ARID4B: variants seen among roughly 807,000 people sequenced by gnomAD.
ARID4B encodes AT-rich interaction domain 4B.
ARID4B carries 26 observed loss-of-function variants against 147.5 expected under a neutral mutation model. The observed-to-expected ratio is 0.18, with a 90% CI of 0.13 to 0.24. The LOEUF (loss-of-function observed/expected upper bound fraction) is 0.24, where lower values mean the gene tolerates loss of function less well. Ranked by LOEUF, ARID4B falls within the 10% of genes least tolerant of loss-of-function variation. The probability of loss-of-function intolerance (pLI) is 1.00; values close to 1 mark genes in which losing one functional copy is unlikely to be tolerated. For synonymous variants in ARID4B, 512 were observed against 507.9 expected (o/e 1.01, Z -0.11); for missense variants, 1,179 against 1,511.5 (o/e 0.78, Z 3.65).
chr1:235,238,555 C>T (rs931132824), intron 8 of ARID4B, among the ~76,000 whole-genome samples: 3 of 152,088 alleles, frequency 2.0e-5, no homozygotes, highest in African/African-American at 7.2e-5. Context: ...GAGGGGAGGA[C>T]ATATTTGTAA....
In ARID4B at chr1:235,205,526, G is replaced by A. The variant is rs79919813; in HGVS notation, c.1841+8243C>T. Among the ~76,000 whole-genome samples, 137 of 152,118 alleles carry A rather than the reference G, an allele frequency of 9.0e-4. 3 individuals carry two copies. The East Asian group carries it at 0.025, about 28-fold the overall frequency. ...AGCTAAAACTATAAAGTTCTTAGAA[G>A]AAAACATAAAGGAAAATTTTCAGAA... On this transcript the variant is annotated intron_variant, in intron 17 of 23. Transcript: ENST00000264183.
At chr1:235,255,100 G>C (rs1669866440) in intron 5 of ARID4B, among the ~76,000 whole-genome samples, 1 of 151,738 alleles carries the variant, frequency 6.6e-6, no homozygotes, top group African/African-American at 2.4e-5. Flanking sequence ...AGGTAAAAAA[G>C]ACATTCAATC....
intron 2 of ARID4B, among the ~76,000 whole-genome samples, chr1:235,303,707 G>A (rs1673348828): frequency 1.3e-5 from 2 of 152,122 alleles, no homozygotes; most frequent in Non-Finnish European, 1.5e-5. Context: ...GCAGCCTGCA[G>A]AACACAGCGA....
In ARID4B at chr1:235,246,520, A is replaced by G; in HGVS notation, c.355-9T>C. The G allele has an allele frequency of 1.2e-6, 2 of 1,605,042 alleles. No homozygotes were observed. Among genetic ancestry groups the G allele is most frequent in the Non-Finnish European group, 1.7e-6 (2 of 1,171,910 alleles). ...GGGAGCTGGTCTAATGTCTGTGGGT[A>G]AGAACATAAACCCATCAAAAAATTA... On this transcript the variant is annotated splice_polypyrimidine_tract_variant and intron_variant, in intron 6 of 23. Coordinates refer to ENST00000264183, the MANE Select transcript of ARID4B (RefSeq NM_016374.6).
intron 2 of ARID4B, among the ~76,000 whole-genome samples, chr1:235,262,734 C>T (rs2103121097): frequency 6.6e-6 from 1 of 152,112 alleles, no homozygotes; most frequent in East Asian, 1.9e-4. Flanking sequence ...ATTTGGGAGG[C>T]CGAAGCAGGA....
At chr1:235,290,507 A>AGATGTAT (rs1225846551) in intron 2 of ARID4B, among the ~76,000 whole-genome samples, 1 of 152,176 alleles carries the variant, frequency 6.6e-6, no homozygotes, top group Non-Finnish European at 1.5e-5. Context: ...ATACTCTTAC[A>AGATGTAT]GATGTATGAA....
intron 17 of ARID4B, among the ~76,000 whole-genome samples, chr1:235,201,072 G>T (rs999119348): frequency 1.3e-5 from 2 of 152,128 alleles, no homozygotes; most frequent in Non-Finnish European, 1.5e-5. Flanking sequence ...TTGAACCCAG[G>T]AGGCAGAGGT....
At position 235,196,078 on chromosome 1, in the gene ARID4B, G is replaced by T. The variant is rs1441267849; in HGVS notation, c.1879C>A (p.Pro627Thr). The change falls in exon 18 of 24, where the codon CCT becomes ACT. Residue 627 changes from proline (P) to threonine (T), a missense_variant. Physicochemically the swap from Pro to Thr is conservative, Grantham distance 38. Coordinates refer to ENST00000264183, the MANE Select transcript of ARID4B (RefSeq NM_016374.6). Reference protein sequence around the residue: ...EWIKADKIVRPADKNVPKIKH... With the variant: ...EWIKADKIVRTADKNVPKIKH... The stretch of plus-strand genomic sequence containing the variant: ...ATCTTTGGCACATTTTTATCAGCAG[G>T]TCTTACTATTTTATCTGCTTTAATC... The T allele has an allele frequency of 3.8e-6, 6 of 1,598,914 alleles. No homozygotes were observed. The East Asian group carries it at 6.7e-5, about 18-fold the overall frequency.
At position 235,182,017 on chromosome 1, in the gene ARID4B, ACTC is replaced by A; in HGVS notation, c.2899_2901del (p.Glu967del). The stretch of plus-strand genomic sequence containing the variant: ...TCCTCTTCAGCCACAGTCTGCAGTG[ACTC>A]CTCTGCCACCCCCTCCTCTGGGGCA... On this transcript the variant is annotated inframe_deletion, in exon 20 of 24. Transcript: ENST00000264183. 1 of 1,613,762 alleles carries A rather than the reference ACTC, an allele frequency of 6.2e-7. No homozygotes were observed. The highest frequency in any genetic ancestry group is 1.1e-5 in the South Asian group (1 of 91,050).
intron 22 of ARID4B, among the ~76,000 whole-genome samples, chr1:235,173,597 TAAA>T: frequency 6.7e-6 from 1 of 149,486 alleles, no homozygotes; most frequent in African/African-American, 2.5e-5. Context: ...AGAGTAGTAT[TAAA>T]AAAATATACA....
intron 2 of ARID4B, among the ~76,000 whole-genome samples, chr1:235,308,225 AGTAGCTGG>A (rs2103266783): frequency 6.6e-6 from 1 of 151,224 alleles, no homozygotes; most frequent in East Asian, 2.0e-4. Context: ...TCAGCGCCTG[AGTAGCTGG>A]GACCAGAAGC....
At chr1:235,308,523 G>A (rs1371674967) in intron 2 of ARID4B, among the ~76,000 whole-genome samples, 5 of 139,174 alleles carry the variant, frequency 3.6e-5, no homozygotes, top group South Asian at 2.5e-4. Context: ...CTCTGATGCC[G>A]AGCCGAAGCT....
chr1:235,317,637 C>G (rs1199278308), intron 2 of ARID4B, among the ~76,000 whole-genome samples: 1 of 152,080 alleles, frequency 6.6e-6, no homozygotes, highest in Non-Finnish European at 1.5e-5. Flanking sequence ...TTCCCCAAAT[C>G]TGAATGCTGT....
chr1:235,234,540 T>C (rs1214849550), intron 8 of ARID4B, 48 bp from the exon 9 acceptor site: 3 of 1,283,588 alleles, frequency 2.3e-6, no homozygotes, highest in African/African-American at 3.0e-5. Context: ...AACTCATAGA[T>C]AGGTAAGTAC....
chr1:235,246,599 C>T, intron 6 of ARID4B, 88 bp from the exon 7 acceptor site: 1 of 916,530 alleles, frequency 1.1e-6, no homozygotes, highest in Non-Finnish European at 1.7e-6. Flanking sequence ...AGAATATGCT[C>T]AGATTTTGAG....
At chr1:235,303,910 C>T (rs1286166636) in intron 2 of ARID4B, among the ~76,000 whole-genome samples, 1 of 142,120 alleles carries the variant, frequency 7.0e-6, no homozygotes, top group African/African-American at 2.7e-5. Context: ...TGGTTCATCC[C>T]TAACTCTACA....
At chr1:235,233,284 C>CA in intron 9 of ARID4B, among the ~76,000 whole-genome samples, 1 of 151,768 alleles carries the variant, frequency 6.6e-6, no homozygotes, top group Middle Eastern at 3.4e-3. Context: ...CTTATCACTA[C>CA]AAAAAATACA....
intron 17 of ARID4B, among the ~76,000 whole-genome samples, chr1:235,211,880 T>C (rs1427732583): frequency 6.6e-6 from 1 of 152,218 alleles, no homozygotes; most frequent in East Asian, 1.9e-4. Context: ...AAATATTCTT[T>C]TGGTAGCTAT....
chr1:235,195,522 G>A lies in ARID4B; in HGVS notation c.1926+509C>T, dbSNP rs188283382. Among the ~76,000 whole-genome samples the A allele has an allele frequency of 7.2e-5, 11 of 151,902 alleles. No homozygotes were observed. In the East Asian group the frequency reaches 1.9e-3, roughly 27 times the overall value. On this transcript the variant is annotated intron_variant, in intron 18 of 23. Coordinates refer to ENST00000264183, the MANE Select transcript of ARID4B (RefSeq NM_016374.6). ...GCATGAGAATCGCTTGAACTGGGAG[G>A]TGGAGGTTGCAGTGAGCCGAGGTTG...
Sources: allele counts gnomAD v4.1 joint callset (sites outside exome capture counted in the v4.1 genomes callset), GRCh38; gene constraint gnomAD v4.1.1; transcripts MANE v1.5; gene names NCBI Gene and HGNC (gene_info 2026-07-23, HGNC 2026-07-21).